The following PALB2 variants were observed in gnomAD, a reference collection of about 807,000 sequenced individuals.
PALB2 encodes the protein partner and localizer of BRCA2, also known as mutant partner and localizer of BRCA2.
PALB2 carries 82 observed loss-of-function variants against 107.4 expected under a neutral mutation model. That is an observed-to-expected ratio of 0.76 (90% CI 0.64 to 0.92). The LOEUF is 0.92. Among genes scored for constraint, PALB2 ranks in the 40% least tolerant of loss-of-function variants. The pLI is 0.00. For synonymous variants in PALB2, 489 were observed against 496.8 expected, an observed-to-expected ratio of 0.98 and a Z score of 0.21; for missense variants, 1,374 against 1,379.9, an observed-to-expected ratio of 1.00 and a Z score of 0.07.
At chr16:23,608,921 A>C in intron 11 of PALB2, among the ~76,000 whole-genome samples, 1 of 151,118 alleles carries the variant, frequency 6.6e-6, no homozygotes, top group Non-Finnish European at 1.5e-5. Context: ...TCCGCCTCCC[A>C]GGTTCAAGTG....
chr16:23,612,305 C>G (rs1456878619), intron 11 of PALB2, among the ~76,000 whole-genome samples: 1 of 152,148 alleles, frequency 6.6e-6, no homozygotes, highest in Non-Finnish European at 1.5e-5. Flanking sequence ...GCAACCTCCA[C>G]CTCCTGGGTT....
chr16:23,633,110 A>C (rs545406342), intron 4 of PALB2, among the ~76,000 whole-genome samples: 1 of 152,300 alleles, frequency 6.6e-6, no homozygotes, highest in South Asian at 2.1e-4. Flanking sequence ...ATAAAAAAAA[A>C]CTACTGTGTA....
In PALB2 at chr16:23,624,182, T is replaced by C. The variant is rs567660081; in HGVS notation, c.2749-88A>G. On this transcript the variant is annotated intron_variant, in intron 7 of 12. Coordinates refer to ENST00000261584, the MANE Select transcript of PALB2 (RefSeq NM_024675.4). Reference sequence around the variant, plus strand: ...TTCCAAAATTTATCACATTCTTTTGTATTCTCACTGTACAAGGATAATTTT... The same window carrying C: ...TTCCAAAATTTATCACATTCTTTTGCATTCTCACTGTACAAGGATAATTTT... 3.6e-5 allele frequency: 30 copies of C among 827,494 alleles called. No homozygotes were observed. The Middle Eastern group carries it at 6.5e-4, about 18-fold the overall frequency. 51.3% of individuals were successfully genotyped at this position (827,494 alleles called of 1,614,324 possible). A position where few individuals can be genotyped will look rare whatever the true frequency, so the allele number is the denominator to read the frequency against.
At position 23,635,734 on chromosome 16, in the gene PALB2, C is replaced by T. The variant is rs1167051191; in HGVS notation, c.812G>A (p.Ser271Asn). 2.5e-6 allele frequency: 4 copies of T among 1,614,188 alleles called. No homozygotes were observed. In the East Asian group the frequency reaches 6.7e-5, roughly 27 times the overall value. ...HLEHIPPKGS[S>N]ELTTHDLKNI... ...TTTTAGGTCGTGAGTAGTAAGTTCA[C>T]TGCTACCTTTAGGAGGAATGTGTTC... Residue 271 changes from serine (S) to asparagine (N), a missense_variant, in exon 4 of 13, where the codon AGT (serine) becomes AAT (asparagine). By Grantham distance (46) the Ser-to-Asn change is conservative (BLOSUM62 1). Coordinates refer to ENST00000261584, the MANE Select transcript of PALB2 (RefSeq NM_024675.4).
At position 23,623,901 on chromosome 16, in the gene PALB2, T is replaced by G; in HGVS notation, c.2834+108A>C. ...TTAAACAAATCTCTCTCTCTTTAGA[T>G]CTTTCAGATTCTTTCAAGACTCAAG... On this transcript the variant is annotated intron_variant, in intron 8 of 12. Coordinates refer to ENST00000261584, the MANE Select transcript of PALB2 (RefSeq NM_024675.4). 3 of 747,642 alleles carry G rather than the reference T, an allele frequency of 4.0e-6. No individual in the cohort carries two copies. In the East Asian group the frequency reaches 8.0e-5, roughly 20 times the overall value. 46.3% of individuals were successfully genotyped at this position (747,642 alleles called of 1,614,324 possible).
chr16:23,627,093 C>G (rs78525848), intron 6 of PALB2, among the ~76,000 whole-genome samples: 1 of 152,118 alleles, frequency 6.6e-6, no homozygotes, highest in African/African-American at 2.4e-5. Context: ...AAACAACATA[C>G]ATTATACTAT....
At position 23,614,073 on chromosome 16, in the gene PALB2, T is replaced by G. The variant is rs587780216; in HGVS notation, c.3132A>C (p.Gln1044His). Residue 1044 changes from glutamine (Q) to histidine (H), a missense_variant, in exon 11 of 13, where the codon CAA becomes CAC. Gln to His is a conservative substitution (Grantham distance 24). Transcript: ENST00000261584. ...CATCAATGTGCATCTTTTTCAGGAGTTGACCAGTTTTTAAATTCCTTAGAT... is the reference window on the plus strand; with the variant it reads ...CATCAATGTGCATCTTTTTCAGGAGGTGACCAGTTTTTAAATTCCTTAGAT... The part of the protein sequence containing the change: ...NIVIWNLKTG[Q>H]LLKKMHIDDS... 5 of 1,612,172 alleles carry G rather than the reference T, an allele frequency of 3.1e-6. No homozygotes were observed. The highest frequency in any genetic ancestry group is 4.2e-6 in the Non-Finnish European group (5 of 1,178,484).
intron 10 of PALB2, among the ~76,000 whole-genome samples, chr16:23,615,840 T>G (rs993110802): frequency 2.6e-5 from 4 of 152,010 alleles, no homozygotes; most frequent in Non-Finnish European, 4.4e-5. Flanking sequence ...AATTTTTGTA[T>G]TTTTAGTAGA....
At chr16:23,611,078 G>GTCTGTCTGTCTA (rs374181299) in intron 11 of PALB2, among the ~76,000 whole-genome samples, 9 of 148,090 alleles carry the variant, frequency 6.1e-5, no homozygotes, top group Admixed American at 6.8e-5. Context: ...TCAACTGTCA[G>GTCTGTCTGTCTA]TCTATCTATC....
At position 23,612,884 on chromosome 16, in the gene PALB2, C is replaced by G. The variant is rs982234788; in HGVS notation, c.3201+1120G>C. Among the ~76,000 whole-genome samples the G allele has an allele frequency of 5.3e-5, 8 of 152,110 alleles. No individual in the cohort carries two copies. The South Asian group carries it at 1.7e-3, about 31-fold the overall frequency. On this transcript the variant is annotated intron_variant, in intron 11 of 12. Coordinates refer to ENST00000261584, the MANE Select transcript of PALB2 (RefSeq NM_024675.4). ...TCTCTTTCCTCAGTCTCCCAAGTAGCTGGGATTACAGGCATGCGCCACCAC... is the reference window on the plus strand; with the variant it reads ...TCTCTTTCCTCAGTCTCCCAAGTAGGTGGGATTACAGGCATGCGCCACCAC...
Position 23,603,668 on chromosome 16 carries a change from A to T in PALB2, c.3352T>A (p.Phe1118Ile), listed in dbSNP as rs2142255651. The change falls in exon 13 of 13, where the codon TTC (phenylalanine) becomes ATC (isoleucine). Residue 1118 changes from phenylalanine (F) to isoleucine (I), a missense_variant and splice_region_variant. Phe to Ile is a conservative substitution (Grantham distance 21, BLOSUM62 0). Transcript: ENST00000261584. ...YCLPPGQAGR[F>I]LEGDVKDHCA... ...TGATCTTTCACGTCACCTTCCAGGA[A>T]CCTGATAGCATACAAAGAAGATATA... The T allele has an allele frequency of 6.2e-7, 1 of 1,613,564 alleles. No individual in the cohort carries two copies. The highest frequency in any genetic ancestry group is 8.5e-7 in the Non-Finnish European group (1 of 1,179,600).
Position 23,626,381 on chromosome 16 carries a change from C to T in PALB2, c.2603G>A (p.Cys868Tyr), listed in dbSNP as rs772398814. ...AAACATGGCACTCACATCTACGGAA[C>T]AGGAACCTGAAGGATTCTGACACAA... ...VSELKNPSGS[C>Y]SVDVSAMFWE... The change falls in exon 7 of 13, where the codon TGT becomes TAT. Residue 868 changes from cysteine (C) to tyrosine (Y), a missense_variant. Cys to Tyr is a radical substitution (Grantham distance 194, BLOSUM62 -2). Coordinates refer to ENST00000261584, the MANE Select transcript of PALB2 (RefSeq NM_024675.4). 7 of 1,614,040 alleles carry T rather than the reference C, an allele frequency of 4.3e-6. No individual in the cohort carries two copies. Among genetic ancestry groups the T allele is most frequent in the Non-Finnish European group, 5.9e-6 (7 of 1,180,034 alleles).
intron 11 of PALB2, among the ~76,000 whole-genome samples, chr16:23,612,989 G>A (rs907836772): frequency 6.7e-6 from 1 of 150,044 alleles, no homozygotes; most frequent in African/African-American, 2.4e-5. Flanking sequence ...CTTACCTCAG[G>A]TGTTCCACCC....
In PALB2 at chr16:23,611,969, T is replaced by C. The variant is rs141054258; in HGVS notation, c.3201+2035A>G. On this transcript the variant is annotated intron_variant, in intron 11 of 12. Coordinates refer to ENST00000261584, the MANE Select transcript of PALB2 (RefSeq NM_024675.4). ...GCTCAAGATTATGTGTTGGATTATATAACATCACACAACTTTTAAATTCAA... is the reference window on the plus strand; with the variant it reads ...GCTCAAGATTATGTGTTGGATTATACAACATCACACAACTTTTAAATTCAA... Among the ~76,000 whole-genome samples the C allele has an allele frequency of 8.5e-5, 13 of 152,320 alleles. No homozygotes were observed. The East Asian group carries it at 1.9e-3, about 23-fold the overall frequency.
chr16:23,630,672 C>G (rs1055482850), intron 4 of PALB2, among the ~76,000 whole-genome samples: 2 of 152,176 alleles, frequency 1.3e-5, no homozygotes, highest in African/African-American at 4.8e-5. Context: ...TAATACCCAA[C>G]AAAGAGTGAG....
rs876658742 is a variant in PALB2, at chr16:23,624,028, A to G, written c.2815T>C (p.Leu939=). The change falls in exon 8 of 13, where the codon TTG becomes CTG. Residue 939 remains leucine (L), a synonymous_variant. Coordinates refer to ENST00000261584, the MANE Select transcript of PALB2 (RefSeq NM_024675.4). The stretch of plus-strand genomic sequence containing the variant: ...ACATACCTGATCTCTCTGATTTCCA[A>G]ATTTCCCAAAGCTACACACACGAGA... ...YNLVCVALGN[L]EIREIRALFC... is the part of the protein sequence containing the mutation. The G allele has an allele frequency of 6.3e-7, 1 of 1,598,082 alleles. No homozygotes were observed. Among genetic ancestry groups the G allele is most frequent in the Non-Finnish European group, 8.6e-7 (1 of 1,165,528 alleles).
chr16:23,607,907 C>CGCTGA lies in PALB2; in HGVS notation c.3302_3306dup (p.Val1103SerfsTer5). 6.2e-7 allele frequency: 1 copy of CGCTGA among 1,614,128 alleles called. No homozygotes were observed. ...GGAAGACAGTACAGCATCACACCCA[C>CGCTGA]GCTGAGAGTCGTCTTAGGGTTAATC... On this transcript the variant is annotated frameshift_variant, in exon 12 of 13. Coordinates refer to ENST00000261584, the MANE Select transcript of PALB2 (RefSeq NM_024675.4). LOFTEE classifies it high-confidence loss of function.
intron 1 of PALB2, 40 bp downstream of exon 1, chr16:23,641,070 G>A (rs747570989): frequency 8.7e-6 from 14 of 1,608,176 alleles, no homozygotes; most frequent in East Asian, 2.2e-5. Flanking sequence ...GGGAAAGCGG[G>A]GTCAGAGTCC....
intron 11 of PALB2, among the ~76,000 whole-genome samples, 186 bp downstream of exon 11, chr16:23,613,818 T>A (rs528661660): frequency 1.3e-5 from 2 of 152,104 alleles, no homozygotes; most frequent in Non-Finnish European, 2.9e-5. Context: ...GCCAGAAAAT[T>A]TACCAAGCAA....
Sources: gnomAD v4.1 joint callset for allele counts (sites outside exome capture counted in the v4.1 genomes callset) on GRCh38, gnomAD v4.1.1 for gene constraint, MANE v1.5 for transcripts, NCBI Gene and HGNC (gene_info 2026-07-23, HGNC 2026-07-21) for gene names.